PRKAR2B: variants seen among roughly 807,000 people sequenced by gnomAD.
PRKAR2B encodes the protein protein kinase cAMP-dependent type II regulatory subunit beta, also known as cAMP-dependent protein kinase type II-beta regulatory subunit.
PRKAR2B carries 14 observed loss-of-function variants against 49.9 expected under a neutral mutation model. The ratio of observed to expected loss-of-function variants is 0.28; its 90% CI spans 0.19 to 0.44. The LOEUF (loss-of-function observed/expected upper bound fraction) is 0.44. PRKAR2B is among the 20% of genes least tolerant of loss of function. The pLI is 1.00. For missense variants in PRKAR2B, 393 were observed against 537.9 expected, an observed-to-expected ratio of 0.73 and a Z score of 2.67; for synonymous variants, 196 against 197.7, an observed-to-expected ratio of 0.99 and a Z score of 0.07.
At chr7:107,139,671 C>T (rs539543118) in intron 4 of PRKAR2B, among the ~76,000 whole-genome samples, 3 of 152,292 alleles carry the variant, frequency 2.0e-5, no homozygotes, top group Admixed American at 6.5e-5. Context: ...TACTTACCTT[C>T]GCCCTGAAAC....
chr7:107,057,650 G>A (rs1211823769), intron 1 of PRKAR2B, among the ~76,000 whole-genome samples: 4 of 152,016 alleles, frequency 2.6e-5, no homozygotes, highest in Admixed American at 2.6e-4. Flanking sequence ...TTTATGATGA[G>A]TGCCTCATTT....
intron 1 of PRKAR2B, among the ~76,000 whole-genome samples, chr7:107,060,310 T>A (rs1562842742): frequency 6.6e-6 from 1 of 152,204 alleles, no homozygotes; most frequent in African/African-American, 2.4e-5. Flanking sequence ...CATTGTCATA[T>A]CTGCTTTATA....
Position 107,056,365 on chromosome 7 carries a change from A to G in PRKAR2B, c.307+11151A>G, listed in dbSNP as rs186136640. Among the ~76,000 whole-genome samples the G allele has an allele frequency of 1.8e-4, 28 of 152,334 alleles. No homozygotes were observed. The East Asian group carries it at 5.4e-3, about 29-fold the overall frequency. On this transcript the variant is annotated intron_variant, in intron 1 of 10. Transcript: ENST00000265717. ...GAATTCTGTGAAGAAGGTCATTGGT[A>G]GCTTGATGGGGATGGCATTGAATCT...
chr7:107,151,144 A>T (rs1795978846), intron 7 of PRKAR2B, 121 bp downstream of exon 7: 1 of 553,882 alleles, frequency 1.8e-6, no homozygotes, highest in African/African-American at 2.0e-5. Flanking sequence ...TTTTTATTTG[A>T]AAAGATTAAA....
At chr7:107,080,850 G>A (rs1794501705) in intron 2 of PRKAR2B, among the ~76,000 whole-genome samples, 1 of 152,138 alleles carries the variant, frequency 6.6e-6, no homozygotes, top group African/African-American at 2.4e-5. Context: ...GTTGGGCACT[G>A]GGCTGGACCC....
At chr7:107,071,647 G>A (rs1794279045) in intron 2 of PRKAR2B, among the ~76,000 whole-genome samples, 1 of 152,106 alleles carries the variant, frequency 6.6e-6, no homozygotes, top group Non-Finnish European at 1.5e-5. Flanking sequence ...GTCTTCATGA[G>A]GTGAAATTCT....
intron 1 of PRKAR2B, among the ~76,000 whole-genome samples, chr7:107,055,472 C>T (rs1215831391): frequency 6.6e-6 from 1 of 152,136 alleles, no homozygotes; most frequent in African/African-American, 2.4e-5. Context: ...TCTCCAGCAC[C>T]TGTTGTTTCC....
intron 4 of PRKAR2B, among the ~76,000 whole-genome samples, chr7:107,132,352 G>A (rs1281346168): frequency 6.6e-6 from 1 of 152,220 alleles, no homozygotes; most frequent in African/African-American, 2.4e-5. Context: ...TAGGCAGTGG[G>A]CACAGCTGAA....
intron 8 of PRKAR2B, among the ~76,000 whole-genome samples, chr7:107,153,632 T>A (rs897019945): frequency 6.6e-6 from 1 of 152,242 alleles, no homozygotes; most frequent in African/African-American, 2.4e-5. Flanking sequence ...TGCTCCTTGA[T>A]AAAATTCACC....
rs1031469809 is a variant in PRKAR2B, at chr7:107,045,347, A to G, written c.307+133A>G. 8 of 718,024 alleles carry G rather than the reference A, an allele frequency of 1.1e-5. No homozygotes were observed. The East Asian group carries it at 1.2e-4, about 11-fold the overall frequency. 44.5% of individuals were successfully genotyped at this position (718,024 alleles called of 1,614,324 possible). The stretch of plus-strand genomic sequence containing the variant: ...ATTCTCCACCTTTCCCTACCTTCCC[A>G]TCTCGCCCACCCCCTCAGCATCCAT... On this transcript the variant is annotated intron_variant, in intron 1 of 10. Transcript: ENST00000265717.
intron 2 of PRKAR2B, among the ~76,000 whole-genome samples, chr7:107,110,686 T>A (rs1283053270): frequency 6.6e-6 from 1 of 151,942 alleles, no homozygotes; most frequent in Non-Finnish European, 1.5e-5. Flanking sequence ...ACCTACTGCC[T>A]TGAAGGGAAG....
intron 4 of PRKAR2B, among the ~76,000 whole-genome samples, chr7:107,137,093 A>G (rs1168226592): frequency 6.6e-6 from 1 of 152,208 alleles, no homozygotes; most frequent in Non-Finnish European, 1.5e-5. Context: ...CGTTCTGGAA[A>G]AGGCAAAATT....
At chr7:107,065,031 C>G (rs986665871) in intron 1 of PRKAR2B, among the ~76,000 whole-genome samples, 38 of 152,238 alleles carry the variant, frequency 2.5e-4, no homozygotes, top group Non-Finnish European at 2.6e-4. Context: ...TTCATTTATT[C>G]TGCACTAAAT....
intron 1 of PRKAR2B, among the ~76,000 whole-genome samples, chr7:107,060,683 G>T (rs909030240): frequency 2.2e-5 from 3 of 139,440 alleles, no homozygotes; most frequent in African/African-American, 7.9e-5. Context: ...CCCTATGTTG[G>T]CAATAGTCAT....
At chr7:107,056,445 T>A (rs1484910600) in intron 1 of PRKAR2B, among the ~76,000 whole-genome samples, 2 of 152,248 alleles carry the variant, frequency 1.3e-5, no homozygotes, top group African/African-American at 2.4e-5. Context: ...TTCCTATCCA[T>A]GAGCATGGAA....
At chr7:107,146,261 AATG>A in intron 5 of PRKAR2B, 44 bp from the exon 6 acceptor site, 1 of 1,557,714 alleles carries the variant, frequency 6.4e-7, no homozygotes, top group Non-Finnish European at 8.7e-7. Context: ...GTTTTATTTT[AATG>A]ATATTTTATT....
chr7:107,131,071 A>G (rs1462167869), intron 4 of PRKAR2B, among the ~76,000 whole-genome samples: 1 of 152,330 alleles, frequency 6.6e-6, no homozygotes, highest in African/African-American at 2.4e-5. Context: ...TTCTTGGCCC[A>G]CAACATACTT....
chr7:107,125,234 A>G (rs1195784378), intron 3 of PRKAR2B, among the ~76,000 whole-genome samples: 1 of 152,174 alleles, frequency 6.6e-6, no homozygotes, highest in Non-Finnish European at 1.5e-5. Context: ...CTGGCTCTGC[A>G]CCTTGTGGAC....
intron 6 of PRKAR2B, among the ~76,000 whole-genome samples, 170 bp downstream of exon 6, chr7:107,146,631 G>T (rs1193865882): frequency 4.6e-5 from 7 of 152,234 alleles, no homozygotes; most frequent in African/African-American, 7.2e-5. Context: ...CACTAAGTCA[G>T]ATCCTGATGT....
Sources: gnomAD v4.1 joint callset for allele counts (sites outside exome capture counted in the v4.1 genomes callset) on GRCh38, gnomAD v4.1.1 for gene constraint, MANE v1.5 for transcripts, NCBI Gene and HGNC (gene_info 2026-07-23, HGNC 2026-07-21) for gene names.